LAMP3: variants seen among roughly 807,000 people sequenced by gnomAD.
The protein encoded by LAMP3 is lysosome-associated membrane glycoprotein 3.
In LAMP3, 26 loss-of-function variants were observed where a neutral mutation model predicts 34.8. The ratio of observed to expected loss-of-function variants is 0.75; its 90% CI spans 0.55 to 1.04. The LOEUF is 1.04. Ranked by LOEUF, LAMP3 falls within the 50% of genes least tolerant of loss-of-function variation. The pLI is 0.00. For synonymous variants in LAMP3, 180 were observed against 201.9 expected, an observed-to-expected ratio of 0.89 and a Z score of 0.92; for missense variants, 495 against 524.0, an observed-to-expected ratio of 0.94 and a Z score of 0.54.
chr3:183,142,002 C>T (rs1006748747), intron 3 of LAMP3, among the ~76,000 whole-genome samples: 29 of 152,158 alleles, frequency 1.9e-4, no homozygotes, highest in African/African-American at 7.0e-4. Context: ...GGGAGAGGAC[C>T]TGGTTGCCTC....
intron 4 of LAMP3, among the ~76,000 whole-genome samples, chr3:183,136,645 C>T (rs1445876031): frequency 2.4e-5 from 2 of 84,408 alleles, no homozygotes; most frequent in Non-Finnish European, 4.9e-5. Context: ...CAGTGAAACT[C>T]CGTTTCAGAA....
chr3:183,126,557 T>TGC (rs1719784745), intron 5 of LAMP3, among the ~76,000 whole-genome samples: 1 of 151,752 alleles, frequency 6.6e-6, no homozygotes, highest in Non-Finnish European at 1.5e-5. Flanking sequence ...TGTGTGTGTG[T>TGC]GTGTGTGCAC....
intron 1 of LAMP3, among the ~76,000 whole-genome samples, chr3:183,161,515 C>T (rs923866469): frequency 7.2e-5 from 11 of 152,022 alleles, no homozygotes; most frequent in East Asian, 1.9e-4. Flanking sequence ...CTCAGTCTCC[C>T]GAGTACCTGG....
intron 5 of LAMP3, among the ~76,000 whole-genome samples, chr3:183,129,587 AT>A (rs1332634301): frequency 6.6e-6 from 1 of 152,064 alleles, no homozygotes. Flanking sequence ...TATGCAGTGT[AT>A]TGCTTTGACA....
At chr3:183,133,480 G>A (rs745878879) in intron 5 of LAMP3, among the ~76,000 whole-genome samples, 8 of 152,078 alleles carry the variant, frequency 5.3e-5, no homozygotes, top group African/African-American at 1.9e-4. Context: ...TCAGCCTCCC[G>A]AGTAGCTGGG....
chr3:183,153,561 T>A, intron 2 of LAMP3, 121 bp downstream of exon 2: 5 of 616,702 alleles, frequency 8.1e-6, no homozygotes, highest in Non-Finnish European at 1.4e-5. Context: ...TGGAGAGAGA[T>A]GAGCTCACAG....
intron 3 of LAMP3, among the ~76,000 whole-genome samples, chr3:183,151,918 G>C (rs907629672): frequency 1.3e-5 from 2 of 152,188 alleles, no homozygotes; most frequent in Admixed American, 1.3e-4. Context: ...GTCCCTTCCA[G>C]GGTATGGTCT....
At chr3:183,138,576 T>C (rs1720171471) in intron 4 of LAMP3, among the ~76,000 whole-genome samples, 2 of 152,216 alleles carry the variant, frequency 1.3e-5, no homozygotes, top group Admixed American at 6.5e-5. Flanking sequence ...CTGAGAGACA[T>C]CTTGTGTGAG....
chr3:183,146,961 T>C (rs543451265), intron 3 of LAMP3, among the ~76,000 whole-genome samples: 22 of 151,972 alleles, frequency 1.4e-4, no homozygotes, highest in African/African-American at 4.8e-4. Context: ...TGAGGGGACA[T>C]GTAAAATATT....
At position 183,124,011 on chromosome 3, in the gene LAMP3, C is replaced by G; in HGVS notation, c.*70G>C. The stretch of plus-strand genomic sequence containing the variant: ...AGGACCCACACTCTGAGGGAATTTC[C>G]CAACATCCATCCTGGAAGGGATGAA... On this transcript the variant is annotated 3_prime_UTR_variant, in exon 6 of 6. Transcript: ENST00000265598. 6.4e-7 allele frequency: 1 copy of G among 1,571,310 alleles called. No homozygotes were observed. The highest frequency in any genetic ancestry group is 8.7e-7 in the Non-Finnish European group (1 of 1,143,970).
In LAMP3 at chr3:183,153,749, A is replaced by G; in HGVS notation, c.692T>C (p.Leu231Pro). ...SSVKTGIYQVLNGSRLCIKAE... is the reference protein window; with the variant it reads ...SSVKTGIYQVPNGSRLCIKAE... The stretch of plus-strand genomic sequence containing the variant: ...TTTTATACAGAGTCTGCTTCCGTTT[A>G]GAACCTGATAAATTCCAGTCTTGAC... Residue 231 changes from leucine to proline, a missense_variant, in exon 2 of 6, where the codon CTA becomes CCA. Physicochemically the swap from Leu to Pro is moderately conservative, Grantham distance 98. Coordinates refer to ENST00000265598, the MANE Select transcript of LAMP3 (RefSeq NM_014398.4). The G allele has an allele frequency of 6.4e-7, 1 of 1,552,452 alleles. No individual in the cohort carries two copies. Among genetic ancestry groups the G allele is most frequent in the Non-Finnish European group, 8.7e-7 (1 of 1,151,580 alleles).
chr3:183,143,065 TTGAC>T (rs1560309259), intron 3 of LAMP3, among the ~76,000 whole-genome samples: 2 of 152,310 alleles, frequency 1.3e-5, no homozygotes, highest in South Asian at 4.1e-4. Flanking sequence ...TCTTTCCATT[TTGAC>T]TGAGTCAAAA....
In LAMP3 at chr3:183,153,939, G is replaced by A; in HGVS notation, c.502C>T (p.Leu168Phe). 2 of 1,614,214 alleles carry A rather than the reference G, an allele frequency of 1.2e-6. No individual in the cohort carries two copies. Among genetic ancestry groups the A allele is most frequent in the Non-Finnish European group, 1.7e-6 (2 of 1,180,040 alleles). The change falls in exon 2 of 6, where the codon CTT becomes TTT. Residue 168 changes from leucine (L) to phenylalanine (F), a missense_variant. Physicochemically the swap from Leu to Phe is conservative, Grantham distance 22 (BLOSUM62 0). Coordinates refer to ENST00000265598, the MANE Select transcript of LAMP3 (RefSeq NM_014398.4). Reference sequence around the variant, plus strand: ...AGTGCTATCGATAAAGTTGCTGGAAGGGTGGTCTGGTTACTGGGTTGAGTG... The same window carrying A: ...AGTGCTATCGATAAAGTTGCTGGAAAGGTGGTCTGGTTACTGGGTTGAGTG... ...NTTQPSNQTT[L>F]PATLSIALHK...
chr3:183,127,895 G>A (rs892085680), intron 5 of LAMP3, among the ~76,000 whole-genome samples: 3 of 152,148 alleles, frequency 2.0e-5, no homozygotes, highest in African/African-American at 7.2e-5. Context: ...ACTTTGGGAG[G>A]CTGAGGCAGG....
In LAMP3 at chr3:183,153,897, C is replaced by T. The variant is rs774368709; in HGVS notation, c.544G>A (p.Gly182Ser). 3.0e-5 allele frequency: 48 copies of T among 1,613,896 alleles called. No individual in the cohort carries two copies. Among genetic ancestry groups the T allele is most frequent in the Admixed American group, 2.3e-4 (14 of 59,976 alleles). Residue 182 changes from glycine to serine, a missense_variant, in exon 2 of 6, where the codon GGT becomes AGT. By Grantham distance (56) the Gly-to-Ser change is moderately conservative (BLOSUM62 0). Coordinates refer to ENST00000265598, the MANE Select transcript of LAMP3 (RefSeq NM_014398.4). ...TGGGTGGGTTGAACAGGCTTCTGAC[C>T]GGTTGTGCTTTTGTGCAGTGCTATC... Reference protein sequence around the residue: ...LSIALHKSTTGQKPVQPTHAP... With the variant: ...LSIALHKSTTSQKPVQPTHAP...
intron 3 of LAMP3, among the ~76,000 whole-genome samples, chr3:183,150,329 G>A (rs1367425807): frequency 6.6e-6 from 1 of 152,206 alleles, no homozygotes; most frequent in Non-Finnish European, 1.5e-5. Flanking sequence ...TCAGCAGACA[G>A]AAGAAAGTAA....
intron 1 of LAMP3, among the ~76,000 whole-genome samples, chr3:183,156,660 A>C (rs1189854707): frequency 6.6e-6 from 1 of 152,206 alleles, no homozygotes; most frequent in East Asian, 1.9e-4. Context: ...ATAACAATAA[A>C]AATTCCAAGT....
intron 1 of LAMP3, among the ~76,000 whole-genome samples, chr3:183,160,558 G>A (rs1691812449): frequency 6.6e-6 from 1 of 152,162 alleles, no homozygotes; most frequent in Non-Finnish European, 1.5e-5. Context: ...GCCAGTCTCA[G>A]GAATGCTACT....
intron 1 of LAMP3, among the ~76,000 whole-genome samples, chr3:183,160,506 G>A (rs1328923373): frequency 2.6e-5 from 4 of 152,172 alleles, no homozygotes; most frequent in African/African-American, 9.7e-5. Flanking sequence ...TGGGATTACA[G>A]GTGTGAGTCA....
Sources: gnomAD v4.1 joint callset for allele counts (sites outside exome capture counted in the v4.1 genomes callset) on GRCh38, gnomAD v4.1.1 for gene constraint, MANE v1.5 for transcripts, NCBI Gene and HGNC (gene_info 2026-07-23, HGNC 2026-07-21) for gene names.